Variants in SH3BGR observed in about 807,000 individuals in gnomAD.
SH3BGR encodes the protein SH3 domain-binding glutamic acid-rich protein.
In SH3BGR, 29 loss-of-function variants were observed where a neutral mutation model predicts 24.5. The observed-to-expected ratio is 1.18, with a 90% CI of 0.88 to 1.61. The LOEUF (loss-of-function observed/expected upper bound fraction) is 1.61, where lower values mean the gene tolerates loss of function less well. Among genes scored for constraint, SH3BGR ranks in the 40% most tolerant of loss-of-function variants. The pLI, the probability that SH3BGR is intolerant of heterozygous loss-of-function variation, is 0.00. For synonymous variants in SH3BGR, 55 were observed against 65.7 expected (o/e 0.84, Z 0.79); for missense variants, 162 against 205.8 (o/e 0.79, Z 1.30).
At chr21:39,484,293 G>T (rs375929748) in intron 3 of SH3BGR, among the ~76,000 whole-genome samples, 2 of 152,150 alleles carry the variant, frequency 1.3e-5, no homozygotes, top group Non-Finnish European at 2.9e-5. Context: ...CTCATAACTC[G>T]TAGTAGGTGT....
At chr21:39,510,387 CACACTGTAGCT>C (rs1451824028) in intron 5 of SH3BGR, among the ~76,000 whole-genome samples, 1 of 133,180 alleles carries the variant, frequency 7.5e-6, no homozygotes, top group East Asian at 2.0e-4. Flanking sequence ...CACACACACA[CACACTGTAGCT>C]ACACACACAC....
At chr21:39,460,211 G>A (rs1444318149) in intron 1 of SH3BGR, among the ~76,000 whole-genome samples, 2 of 152,144 alleles carry the variant, frequency 1.3e-5, no homozygotes, top group Non-Finnish European at 2.9e-5. Context: ...TGGGAGAAAA[G>A]GGTTGTTTTG....
In SH3BGR at chr21:39,511,084, G is replaced by A. The variant is rs1397675572; in HGVS notation, c.436-596G>A. Among the ~76,000 whole-genome samples, 2 of 127,610 alleles carry A rather than the reference G, an allele frequency of 1.6e-5. No homozygotes were observed. The highest frequency in any genetic ancestry group is 2.5e-5 in the African/African-American group (1 of 40,550). 83.7% of individuals were successfully genotyped at this position (127,610 alleles called of 152,430 possible). A position where few individuals can be genotyped will look rare whatever the true frequency, so the allele number is the denominator to read the frequency against. ...CACCATTCTAAATTGAGGACTCTGTGTTTAGAAGGATGATTTTTTTTATGT... is the reference window on the plus strand; with the variant it reads ...CACCATTCTAAATTGAGGACTCTGTATTTAGAAGGATGATTTTTTTTATGT... On this transcript the variant is annotated intron_variant, in intron 5 of 6. Coordinates refer to ENST00000333634, the MANE Select transcript of SH3BGR (RefSeq NM_007341.3). The surrounding 1 kb of genome is among the most constrained non-coding windows in gnomAD (Gnocchi z 4.2).
chr21:39,461,650 C>T (rs1022721813), intron 1 of SH3BGR, among the ~76,000 whole-genome samples: 16 of 152,128 alleles, frequency 1.1e-4, no homozygotes, highest in South Asian at 4.2e-4. Context: ...AACAGTTGGC[C>T]GCCTGTGATT....
chr21:39,448,840 C>A (rs530736953), upstream of SH3BGR, among the ~76,000 whole-genome samples: 1 of 152,278 alleles, frequency 6.6e-6, no homozygotes, highest in South Asian at 2.1e-4. Flanking sequence ...CAACTGACCC[C>A]GATAGACTGC....
At chr21:39,483,250 C>A (rs528705508) in intron 3 of SH3BGR, among the ~76,000 whole-genome samples, 3 of 152,300 alleles carry the variant, frequency 2.0e-5, no homozygotes, top group Admixed American at 1.3e-4. Flanking sequence ...ACTTATTTTC[C>A]AGTGTGCAGA....
intron 3 of SH3BGR, among the ~76,000 whole-genome samples, chr21:39,499,403 A>G (rs1331354219): frequency 6.6e-6 from 1 of 152,080 alleles, no homozygotes; most frequent in Non-Finnish European, 1.5e-5. Flanking sequence ...CCATCCATGC[A>G]TCCATCCATT....
At chr21:39,471,026 A>G (rs1483843521) in intron 2 of SH3BGR, among the ~76,000 whole-genome samples, 3 of 152,162 alleles carry the variant, frequency 2.0e-5, no homozygotes, top group Admixed American at 6.5e-5. Flanking sequence ...TTGAGAAGTC[A>G]GCTGTCAGTC....
chr21:39,451,884 G>A (rs375002138), upstream of SH3BGR: 2 of 1,610,466 alleles, frequency 1.2e-6, no homozygotes. Context: ...AATATTCCTG[G>A]GCCAATGGAG....
rs996955634 is a variant in SH3BGR, at chr21:39,457,476, TTATA to T, written c.46-4892_46-4889del. On this transcript the variant is annotated intron_variant, in intron 1 of 6. Coordinates refer to ENST00000333634, the MANE Select transcript of SH3BGR (RefSeq NM_007341.3). ...ATGTATAAGATTATATATTATATAG[TTATA>T]TATATAAATCTTATATATATGATTA... 3.4e-5 allele frequency among the ~76,000 whole-genome samples: 5 copies of T among 145,122 alleles called. No individual in the cohort carries two copies. In the Admixed American group the frequency reaches 3.5e-4, roughly 10 times the overall value.
At chr21:39,464,570 A>G (rs7277386) in intron 2 of SH3BGR, among the ~76,000 whole-genome samples, 136,518 of 152,262 alleles carry the variant, frequency 0.9, 61,235 homozygotes, top group African/African-American at 0.9. Flanking sequence ...GATTTATGGG[A>G]GACACTGTTC....
intron 2 of SH3BGR, among the ~76,000 whole-genome samples, chr21:39,463,751 C>G (rs1295876657): frequency 6.6e-6 from 1 of 152,166 alleles, no homozygotes; most frequent in East Asian, 1.9e-4. Context: ...CCATATGATC[C>G]ACAAAGCCAA....
chr21:39,502,954 C>G (rs755361617), intron 4 of SH3BGR, among the ~76,000 whole-genome samples: 1 of 151,374 alleles, frequency 6.6e-6, no homozygotes, highest in East Asian at 1.9e-4. Flanking sequence ...CCTCCCCAGT[C>G]TGGCCACCTC....
At chr21:39,473,050 T>C (rs964993230) in intron 2 of SH3BGR, among the ~76,000 whole-genome samples, 10 of 152,146 alleles carry the variant, frequency 6.6e-5, no homozygotes, top group African/African-American at 1.7e-4. Flanking sequence ...AGACAACTTT[T>C]AGGGCCTCTA....
intron 3 of SH3BGR, among the ~76,000 whole-genome samples, chr21:39,493,754 A>C (rs2078344527): frequency 6.6e-6 from 1 of 152,096 alleles, no homozygotes; most frequent in African/African-American, 2.4e-5. Context: ...TGAGCATGGG[A>C]TGTATTTCCA....
intron 2 of SH3BGR, among the ~76,000 whole-genome samples, chr21:39,463,719 A>G (rs2077794183): frequency 6.6e-6 from 1 of 152,326 alleles, no homozygotes; most frequent in South Asian, 2.1e-4. Flanking sequence ...ACCATGGCAG[A>G]TTTGAATAGA....
In SH3BGR at chr21:39,462,492, G is replaced by A. The variant is rs1186593633; in HGVS notation, c.163G>A (p.Gly55Arg). 2 of 1,609,620 alleles carry A rather than the reference G, an allele frequency of 1.2e-6. No homozygotes were observed. Among genetic ancestry groups the A allele is most frequent in the Non-Finnish European group, 1.7e-6 (2 of 1,179,066 alleles). Residue 55 changes from glycine to arginine, a missense_variant, in exon 2 of 7, where the codon GGA becomes AGA. Transcript: ENST00000333634. Reference sequence around the variant, plus strand: ...GAGGTGGATGAGAGAGAATGTTCCTGGAGAGAAAAAACCTCAAAATGGGAT... The same window carrying A: ...GAGGTGGATGAGAGAGAATGTTCCTAGAGAGAAAAAACCTCAAAATGGGAT... ...NRRWMRENVP[G>R]EKKPQNGIPL...
chr21:39,475,450 A>G (rs2078012133), intron 3 of SH3BGR, among the ~76,000 whole-genome samples: 1 of 152,242 alleles, frequency 6.6e-6, no homozygotes, highest in African/African-American at 2.4e-5. Context: ...AATAAATTTT[A>G]TAATACCTAA....
At chr21:39,513,575 G>T (rs1358234937) in intron 6 of SH3BGR, among the ~76,000 whole-genome samples, 1 of 152,080 alleles carries the variant, frequency 6.6e-6, no homozygotes, top group African/African-American at 2.4e-5. Context: ...CCCACGATTT[G>T]ATGTCTCTCC....
Sources: allele counts gnomAD v4.1 joint callset (sites outside exome capture counted in the v4.1 genomes callset), GRCh38; gene constraint gnomAD v4.1.1; non-coding constraint Gnocchi (gnomAD v3.1); transcripts MANE v1.5; gene names NCBI Gene and HGNC (gene_info 2026-07-23, HGNC 2026-07-21).